JMJD1C: variants seen among roughly 807,000 people sequenced by gnomAD.
JMJD1C encodes the protein jumonji domain containing 1C.
JMJD1C carries 31 observed loss-of-function variants against 245.3 expected under a neutral mutation model. The observed-to-expected ratio is 0.13, with a 90% CI of 0.09 to 0.17. JMJD1C has a LOEUF of 0.17. Ranked by LOEUF, JMJD1C falls within the 10% of genes least tolerant of loss-of-function variation. JMJD1C has a pLI of 1.00. For missense variants in JMJD1C, 2,691 were observed against 3,000.2 expected (o/e 0.90, Z 2.41); for synonymous variants, 1,057 against 1,017.4 (o/e 1.04, Z -0.74).
intron 10 of JMJD1C, among the ~76,000 whole-genome samples, chr10:63,201,555 G>A (rs1589132721): frequency 6.6e-6 from 1 of 152,280 alleles, no homozygotes; most frequent in East Asian, 1.9e-4. Flanking sequence ...CCGTCATCTA[G>A]AGAGTAAGAA....
At chr10:63,496,031 GC>G (rs1219739458) in intron 1 of JMJD1C, among the ~76,000 whole-genome samples, 6 of 141,266 alleles carry the variant, frequency 4.2e-5, no homozygotes, top group Non-Finnish European at 9.1e-5. Context: ...TGAGGCAATT[GC>G]ACTAAAAAAA....
intron 1 of JMJD1C, among the ~76,000 whole-genome samples, chr10:63,502,203 T>C (rs1323263202): frequency 6.6e-6 from 1 of 152,246 alleles, no homozygotes; most frequent in Non-Finnish European, 1.5e-5. Flanking sequence ...ATTTCACTTC[T>C]ATCTCCTTTC....
intron 1 of JMJD1C, among the ~76,000 whole-genome samples, chr10:63,430,650 A>C (rs1191507428): frequency 6.6e-6 from 1 of 152,204 alleles, no homozygotes; most frequent in Non-Finnish European, 1.5e-5. Flanking sequence ...GGTATACTAA[A>C]ATTAGATAGG....
chr10:63,368,551 T>G (rs1946042446), intron 2 of JMJD1C, among the ~76,000 whole-genome samples: 1 of 152,242 alleles, frequency 6.6e-6, no homozygotes, highest in Non-Finnish European at 1.5e-5. Flanking sequence ...TCAATTCTGC[T>G]GAGGCGGCAT....
At position 63,380,542 on chromosome 10, in the gene JMJD1C, T is replaced by A. The variant is rs541337341; in HGVS notation, c.169-60A>T. 1.2e-4 allele frequency: 157 copies of A among 1,270,806 alleles called. 2 individuals are homozygous for A. In the South Asian group the frequency reaches 2.0e-3, roughly 16 times the overall value. 78.7% of individuals were successfully genotyped at this position (1,270,806 alleles called of 1,614,324 possible). ...AATAGAAGAGTGGTATATCTTTTTT[T>A]ACTAATGCATAATAATTGTACATAT... On this transcript the variant is annotated intron_variant, in intron 1 of 25. Transcript: ENST00000399262.
At chr10:63,173,078 C>T (rs1471131220) in intron 24 of JMJD1C, among the ~76,000 whole-genome samples, 1 of 151,736 alleles carries the variant, frequency 6.6e-6, no homozygotes, top group African/African-American at 2.4e-5. Flanking sequence ...AAAAAAGGAA[C>T]TGGGGGAAAA....
upstream of JMJD1C, chr10:63,466,059 G>T (rs1334727282): frequency 4.6e-6 from 1 of 219,242 alleles, no homozygotes; most frequent in East Asian, 1.5e-4. Flanking sequence ...CCGCGGGAGG[G>T]TCGGCGGAAC....
intron 1 of JMJD1C, among the ~76,000 whole-genome samples, chr10:63,485,196 CTAAGTGT>C (rs1275109430): frequency 6.6e-6 from 1 of 151,826 alleles, no homozygotes; most frequent in Non-Finnish European, 1.5e-5. Flanking sequence ...AGAGTAAATG[CTAAGTGT>C]TCATTGCTTT....
chr10:63,266,071 A>T (rs1855538349), intron 2 of JMJD1C, among the ~76,000 whole-genome samples: 1 of 152,098 alleles, frequency 6.6e-6, no homozygotes, highest in Admixed American at 6.5e-5. Context: ...TAAAAATTTA[A>T]TATTAAATTT....
intron 1 of JMJD1C, among the ~76,000 whole-genome samples, chr10:63,484,732 A>G (rs73298548): frequency 0.025 from 3,794 of 152,212 alleles, 152 homozygotes; most frequent in African/African-American, 0.087. Flanking sequence ...TATCTATCTA[A>G]AATTGATTAT....
chr10:63,431,973 C>G (rs1414514217), intron 1 of JMJD1C, among the ~76,000 whole-genome samples: 1 of 152,190 alleles, frequency 6.6e-6, no homozygotes, highest in African/African-American at 2.4e-5. Flanking sequence ...GATGGCGTCA[C>G]TGCACTCCAG....
intron 2 of JMJD1C, among the ~76,000 whole-genome samples, chr10:63,302,126 T>A (rs1860167072): frequency 6.6e-6 from 1 of 152,100 alleles, no homozygotes; most frequent in Non-Finnish European, 1.5e-5. Flanking sequence ...AAACAATTCC[T>A]CCCACCTAAG....
At chr10:63,266,487 C>A (rs72831007) in intron 2 of JMJD1C, among the ~76,000 whole-genome samples, 1 of 152,084 alleles carries the variant, frequency 6.6e-6, no homozygotes, top group Non-Finnish European at 1.5e-5. Flanking sequence ...TCCACCACTA[C>A]GTGACCAATT....
At chr10:63,329,315 G>A (rs1379803903) in intron 2 of JMJD1C, among the ~76,000 whole-genome samples, 1 of 150,830 alleles carries the variant, frequency 6.6e-6, no homozygotes, top group Non-Finnish European at 1.5e-5. Flanking sequence ...AAAGAAAAAA[G>A]GAAATTAAAG....
intron 2 of JMJD1C, among the ~76,000 whole-genome samples, chr10:63,338,807 C>T (rs186262463): frequency 6.6e-6 from 1 of 152,038 alleles, no homozygotes; most frequent in East Asian, 1.9e-4. Context: ...TGCCACCATG[C>T]CCAGTTAACT....
intron 1 of JMJD1C, among the ~76,000 whole-genome samples, chr10:63,515,134 C>CTGGAGAGGG (rs1216586976): frequency 5.3e-5 from 8 of 152,118 alleles, no homozygotes; most frequent in African/African-American, 1.9e-4. Flanking sequence ...AACAGGGTGG[C>CTGGAGAGGG]TGGAGAGGGC....
chr10:63,183,329 C>A, intron 22 of JMJD1C, 118 bp downstream of exon 22: 1 of 832,218 alleles, frequency 1.2e-6, no homozygotes, highest in Non-Finnish European at 1.9e-6. Context: ...GCCCCTACAT[C>A]CATTGCAATT....
At chr10:63,277,205 T>C (rs542714363) in intron 2 of JMJD1C, among the ~76,000 whole-genome samples, 16 of 150,220 alleles carry the variant, frequency 1.1e-4, no homozygotes, top group Non-Finnish European at 1.8e-4. Flanking sequence ...TATTTTTTTA[T>C]TTTTTTTAAT....
chr10:63,409,594 G>C (rs1213965065), intron 1 of JMJD1C, among the ~76,000 whole-genome samples: 1 of 152,128 alleles, frequency 6.6e-6, no homozygotes, highest in Admixed American at 6.5e-5. Flanking sequence ...CTGGGTCAGT[G>C]GAAGAATGAC....
Sources: gnomAD v4.1 joint callset for allele counts (sites outside exome capture counted in the v4.1 genomes callset) on GRCh38, gnomAD v4.1.1 for gene constraint, MANE v1.5 for transcripts, NCBI Gene and HGNC (gene_info 2026-07-23, HGNC 2026-07-21) for gene names.